SEL1L2: variants seen among roughly 807,000 people sequenced by gnomAD.
SEL1L2 encodes the protein protein sel-1 homolog 2.
Under a neutral mutation model 98.8 loss-of-function variants are expected in SEL1L2, and 89 were observed. The ratio of observed to expected loss-of-function variants is 0.90; its 90% CI spans 0.76 to 1.07. The LOEUF (loss-of-function observed/expected upper bound fraction) is 1.07, where lower values mean the gene tolerates loss of function less well. Among genes scored for constraint, SEL1L2 ranks in the 50% least tolerant of loss-of-function variants. SEL1L2 has a pLI of 0.00. For missense variants in SEL1L2, 788 were observed against 812.0 expected (o/e 0.97, Z 0.36); for synonymous variants, 262 against 278.5 (o/e 0.94, Z 0.59).
At chr20:13,942,438 G>C (rs779909854) in intron 2 of SEL1L2, among the ~76,000 whole-genome samples, 1 of 152,120 alleles carries the variant, frequency 6.6e-6, no homozygotes, top group Non-Finnish European at 1.5e-5. Context: ...AAATCTGTTA[G>C]ACGTGCAAAT....
At chr20:13,982,508 C>CAAAAAAAAAAAAAAAAAAAAAAAA in intron 1 of SEL1L2, among the ~76,000 whole-genome samples, 1 of 67,688 alleles carries the variant, frequency 1.5e-5, no homozygotes, top group Non-Finnish European at 2.8e-5. Flanking sequence ...GAGACTCTGC[C>CAAAAAAAAAAAAAAAAAAAAAAAA]AAAAAAAAAA....
chr20:13,962,452 G>A (rs2050823049), intron 1 of SEL1L2, among the ~76,000 whole-genome samples: 1 of 152,132 alleles, frequency 6.6e-6, no homozygotes, highest in Non-Finnish European at 1.5e-5. Context: ...GGACAGAGAG[G>A]CCCAGCCATC....
chr20:13,901,264 G>A (rs957008709), intron 5 of SEL1L2, among the ~76,000 whole-genome samples: 1 of 151,826 alleles, frequency 6.6e-6, no homozygotes, highest in African/African-American at 2.4e-5. Flanking sequence ...TAGAGACGGG[G>A]TTTCACCGTG....
chr20:13,889,822 A>G (rs1408037958), intron 5 of SEL1L2, among the ~76,000 whole-genome samples: 1 of 152,192 alleles, frequency 6.6e-6, no homozygotes, highest in Non-Finnish European at 1.5e-5. Flanking sequence ...AAGCCCATTT[A>G]GATTTGGATA....
intron 3 of SEL1L2, among the ~76,000 whole-genome samples, chr20:13,928,549 C>A (rs1335749623): frequency 2.6e-5 from 4 of 152,140 alleles, no homozygotes; most frequent in Non-Finnish European, 5.9e-5. Flanking sequence ...CAATAAGATA[C>A]CCAATCAACA....
chr20:13,900,050 T>G (rs2047601165), intron 5 of SEL1L2, among the ~76,000 whole-genome samples: 1 of 152,180 alleles, frequency 6.6e-6, no homozygotes. Context: ...AGAAAAAAAT[T>G]TCTGATGGTT....
intron 2 of SEL1L2, among the ~76,000 whole-genome samples, chr20:13,936,388 A>G (rs2049455371): frequency 6.6e-6 from 1 of 152,230 alleles, no homozygotes; most frequent in African/African-American, 2.4e-5. Context: ...GCTAAGATGT[A>G]GGCATAGTTC....
rs190269842 is a variant in SEL1L2 at position 13,950,178 on chromosome 20, A to G, written c.114+5898T>C. On this transcript the variant is annotated intron_variant, in intron 2 of 19. Coordinates refer to ENST00000284951, the MANE Select transcript of SEL1L2 (RefSeq NM_025229.2). ...TTGCCAGGGGCTGGGGTGAGAGGGG[A>G]ATGGAGAGGTTTTTGTTTTTTTTTA... is the stretch of plus-strand genomic sequence containing the variant. Among the ~76,000 whole-genome samples the G allele has an allele frequency of 1.2e-3, 176 of 152,182 alleles. 1 individual carries two copies. The highest frequency in any genetic ancestry group is 1.8e-3 in the Non-Finnish European group (120 of 68,002).
At chr20:13,925,487 G>T (rs1431396208) in intron 3 of SEL1L2, among the ~76,000 whole-genome samples, 2 of 152,222 alleles carry the variant, frequency 1.3e-5, no homozygotes, top group African/African-American at 4.8e-5. Context: ...ATTTGCCTAC[G>T]ATGGCGGGTG....
chr20:13,946,724 TG>T lies in SEL1L2; in HGVS notation c.114+9351del, dbSNP rs570760798. Among the ~76,000 whole-genome samples, 18 of 152,344 alleles carry T rather than the reference TG, an allele frequency of 1.2e-4. 1 individual carries two copies. In the South Asian group the frequency reaches 3.7e-3, roughly 32 times the overall value. On this transcript the variant is annotated intron_variant, in intron 2 of 19. Coordinates refer to ENST00000284951, the MANE Select transcript of SEL1L2 (RefSeq NM_025229.2). ...GCAGACCCAGGCATCCCTGTGCTCTTGGGGCGAGAAACCCTCCCATCCCGCA... is the reference window on the plus strand; with the variant it reads ...GCAGACCCAGGCATCCCTGTGCTCTTGGGCGAGAAACCCTCCCATCCCGCA...
At chr20:13,869,398 C>A in intron 14 of SEL1L2, 105 bp downstream of exon 14, 1 of 807,798 alleles carries the variant, frequency 1.2e-6, no homozygotes, top group Non-Finnish European at 2.1e-6. Flanking sequence ...CCTAAATGTT[C>A]TGTCTAAACC....
intron 10 of SEL1L2, among the ~76,000 whole-genome samples, chr20:13,878,952 C>T (rs2046563958): frequency 6.6e-6 from 1 of 152,176 alleles, no homozygotes; most frequent in African/African-American, 2.4e-5. Flanking sequence ...GACATTGTAT[C>T]CAGTTCTCCT....
In SEL1L2 at chr20:13,870,937, A is replaced by AG. The variant is rs1310953238; in HGVS notation, c.1105-735_1105-734insC. ...AACTCCATCTCAAAAAAAAAAAAAA[A>AG]AAAAAAAGAAATAGATTGAGAGTGT... On this transcript the variant is annotated intron_variant, in intron 12 of 19. Coordinates refer to ENST00000284951, the MANE Select transcript of SEL1L2 (RefSeq NM_025229.2). Among the ~76,000 whole-genome samples, 3 of 151,684 alleles carry AG rather than the reference A, an allele frequency of 2.0e-5. No homozygotes were observed. The East Asian group carries it at 5.8e-4, about 29-fold the overall frequency.
At chr20:13,956,335 CCAGAGA>C (rs1352619578) in intron 1 of SEL1L2, among the ~76,000 whole-genome samples, 1 of 151,976 alleles carries the variant, frequency 6.6e-6, no homozygotes, top group Non-Finnish European at 1.5e-5. Context: ...GAACTTGACA[CCAGAGA>C]CAATCTATAT....
At chr20:13,932,583 C>T (rs1349543842) in intron 2 of SEL1L2, among the ~76,000 whole-genome samples, 2 of 151,964 alleles carry the variant, frequency 1.3e-5, no homozygotes, top group African/African-American at 4.8e-5. Flanking sequence ...AGGTGCATGC[C>T]ACCGTGCCTA....
intron 10 of SEL1L2, among the ~76,000 whole-genome samples, chr20:13,881,735 C>T (rs2046711123): frequency 6.6e-6 from 1 of 152,108 alleles, no homozygotes; most frequent in African/African-American, 2.4e-5. Flanking sequence ...TAGTCATTTC[C>T]AGGTATCTTG....
At chr20:13,939,509 T>G (rs970266954) in intron 2 of SEL1L2, among the ~76,000 whole-genome samples, 1 of 152,176 alleles carries the variant, frequency 6.6e-6, no homozygotes, top group African/African-American at 2.4e-5. Context: ...TATTTGATGC[T>G]AAATATTTCA....
At chr20:13,984,388 C>T (rs1429721680) in intron 1 of SEL1L2, among the ~76,000 whole-genome samples, 2 of 152,186 alleles carry the variant, frequency 1.3e-5, no homozygotes, top group Non-Finnish European at 2.9e-5. Flanking sequence ...TATTGAATTT[C>T]ATGGTCACTT....
chr20:13,957,387 C>T (rs974364384), intron 1 of SEL1L2, among the ~76,000 whole-genome samples: 2 of 152,196 alleles, frequency 1.3e-5, no homozygotes, highest in Admixed American at 6.5e-5. Flanking sequence ...CAGGCGTGAG[C>T]TGCTGCGCCC....
Sources: gnomAD v4.1 joint callset for allele counts (sites outside exome capture counted in the v4.1 genomes callset) on GRCh38, gnomAD v4.1.1 for gene constraint, MANE v1.5 for transcripts, NCBI Gene and HGNC (gene_info 2026-07-23, HGNC 2026-07-21) for gene names.